The following ME1 variants were observed in gnomAD, a reference collection of about 807,000 sequenced individuals.
The protein encoded by ME1 is malic enzyme 1, also known as NADP-dependent malic enzyme.
A neutral mutation model predicts 66.4 loss-of-function variants in ME1; 74 were observed. That is an observed-to-expected ratio of 1.11 (90% confidence interval 0.92 to 1.35). The LOEUF (loss-of-function observed/expected upper bound fraction) is 1.35, where lower values mean the gene tolerates loss of function less well. ME1 is among the 40% of genes most tolerant of loss of function. The pLI, the probability that ME1 is intolerant of heterozygous loss-of-function variation, is 0.00. For missense variants in ME1, 750 were observed against 694.1 expected, an observed-to-expected ratio of 1.08 and a Z score of -0.90; for synonymous variants, 251 against 235.6, an observed-to-expected ratio of 1.07 and a Z score of -0.60.
At chr6:83,257,089 G>A (rs956478801) in intron 6 of ME1, among the ~76,000 whole-genome samples, 4 of 152,022 alleles carry the variant, frequency 2.6e-5, no homozygotes, top group African/African-American at 9.7e-5. Context: ...AATACCTAAT[G>A]TAGATGATGG....
chr6:83,319,745 T>C (rs116648735), intron 5 of ME1, among the ~76,000 whole-genome samples: 133 of 152,336 alleles, frequency 8.7e-4, no homozygotes, highest in African/African-American at 3.1e-3. Flanking sequence ...ATGGGCCCTA[T>C]TCAAAGAATA....
chr6:83,341,658 A>T (rs567742333), intron 5 of ME1, among the ~76,000 whole-genome samples: 4 of 152,312 alleles, frequency 2.6e-5, no homozygotes, highest in African/African-American at 4.8e-5. Context: ...AGATAACAGT[A>T]ATACAGAGTT....
chr6:83,263,517 G>C (rs528013343), intron 6 of ME1, among the ~76,000 whole-genome samples: 1 of 152,194 alleles, frequency 6.6e-6, no homozygotes, highest in Admixed American at 6.5e-5. Flanking sequence ...CCACATAAAT[G>C]ATAAGAAAGC....
intron 5 of ME1, among the ~76,000 whole-genome samples, chr6:83,322,149 G>A (rs752623811): frequency 6.6e-6 from 1 of 152,102 alleles, no homozygotes; most frequent in Admixed American, 6.6e-5. Context: ...CCACGCGAAG[G>A]TCACCAACAG....
chr6:83,315,164 C>A, intron 6 of ME1, 146 bp downstream of exon 6: 1 of 576,466 alleles, frequency 1.7e-6, no homozygotes, highest in Non-Finnish European at 3.1e-6. Context: ...TGTCCATTAA[C>A]AGTTATGAGG....
At chr6:83,247,104 T>G (rs952131912) in intron 7 of ME1, among the ~76,000 whole-genome samples, 13 of 152,136 alleles carry the variant, frequency 8.5e-5, no homozygotes, top group African/African-American at 3.1e-4. Flanking sequence ...ATATATTAAA[T>G]GTATTTTTTA....
chr6:83,296,083 C>T (rs1246767046), intron 6 of ME1, among the ~76,000 whole-genome samples: 2 of 152,096 alleles, frequency 1.3e-5, no homozygotes, highest in Non-Finnish European at 2.9e-5. Flanking sequence ...TAAATTCTAT[C>T]AAATGTACAA....
intron 11 of ME1, among the ~76,000 whole-genome samples, chr6:83,225,205 C>CAA (rs146673365): frequency 0.042 from 1,685 of 39,730 alleles, 57 homozygotes; most frequent in Non-Finnish European, 0.063. Flanking sequence ...GACTCCATCT[C>CAA]AAAAAAAAAA....
intron 3 of ME1, among the ~76,000 whole-genome samples, chr6:83,381,282 C>T (rs1027372476): frequency 2.0e-5 from 3 of 151,526 alleles, no homozygotes; most frequent in Non-Finnish European, 4.4e-5. Flanking sequence ...TCTGGGAGGG[C>T]AAGAAAGGAT....
intron 6 of ME1, among the ~76,000 whole-genome samples, chr6:83,268,404 A>G (rs1206723602): frequency 6.6e-6 from 1 of 152,212 alleles, no homozygotes; most frequent in Non-Finnish European, 1.5e-5. Flanking sequence ...CCTATTAAGT[A>G]TACAATTAGG....
At chr6:83,359,017 G>A (rs1333262147) in intron 3 of ME1, among the ~76,000 whole-genome samples, 1 of 152,158 alleles carries the variant, frequency 6.6e-6, no homozygotes, top group Non-Finnish European at 1.5e-5. Flanking sequence ...CAGCGGCCAG[G>A]CAGAGGCGCT....
chr6:83,259,479 T>TG (rs1583344730), intron 6 of ME1, among the ~76,000 whole-genome samples: 2 of 151,828 alleles, frequency 1.3e-5, no homozygotes, highest in East Asian at 3.9e-4. Flanking sequence ...AGGAAAAGAG[T>TG]GGAGTAAAGA....
intron 4 of ME1, among the ~76,000 whole-genome samples, chr6:83,349,371 C>T (rs1043650422): frequency 6.6e-6 from 1 of 152,116 alleles, no homozygotes; most frequent in Non-Finnish European, 1.5e-5. Flanking sequence ...TGGATGTTTT[C>T]TGTACGATAA....
intron 4 of ME1, among the ~76,000 whole-genome samples, chr6:83,348,595 T>C (rs1768731080): frequency 1.3e-5 from 2 of 152,006 alleles, no homozygotes; most frequent in South Asian, 4.2e-4. Flanking sequence ...TGTTATTTGG[T>C]TTCAAAATTC....
At position 83,219,740 on chromosome 6, in the gene ME1, A is replaced by ATT. The variant is rs11324255; in HGVS notation, c.1450-3146_1450-3145dup. On this transcript the variant is annotated intron_variant, in intron 12 of 13. Transcript: ENST00000369705. ...AGCTGTGTGCCATCATGCCCAACTA[A>ATT]TTTTTTTTTTTTTTTTTTTGTATTT... 6.6e-4 allele frequency among the ~76,000 whole-genome samples: 88 copies of ATT among 133,206 alleles called. 1 individual carries two copies. The highest frequency in any genetic ancestry group is 2.3e-3 in the African/African-American group (82 of 35,840). 87.4% of individuals were successfully genotyped at this position (133,206 alleles called of 152,430 possible).
intron 6 of ME1, among the ~76,000 whole-genome samples, chr6:83,263,763 CATA>C (rs1766937991): frequency 1.2e-3 from 1 of 860 alleles, no homozygotes; most frequent in Non-Finnish European, 2.1e-3. Context: ...CATAACATAA[CATA>C]ACATAACATA....
At chr6:83,315,699 C>T (rs1320570491) in intron 5 of ME1, among the ~76,000 whole-genome samples, 2 of 152,086 alleles carry the variant, frequency 1.3e-5, no homozygotes, top group Admixed American at 6.5e-5. Context: ...GAGATCAAGA[C>T]CATCCTGGGT....
At chr6:83,266,030 A>C (rs749007882) in intron 6 of ME1, among the ~76,000 whole-genome samples, 15 of 152,192 alleles carry the variant, frequency 9.9e-5, no homozygotes, top group African/African-American at 1.4e-4. Context: ...TATGATACTT[A>C]AAATAATTGC....
chr6:83,217,780 C>A (rs1012942894), intron 12 of ME1, among the ~76,000 whole-genome samples: 2 of 151,980 alleles, frequency 1.3e-5, no homozygotes, highest in African/African-American at 4.8e-5. Flanking sequence ...GTGAGCTGGA[C>A]TCAGCAGGCC....
Sources: gnomAD v4.1 joint callset for allele counts (sites outside exome capture counted in the v4.1 genomes callset) on GRCh38, gnomAD v4.1.1 for gene constraint, MANE v1.5 for transcripts, NCBI Gene and HGNC (gene_info 2026-07-23, HGNC 2026-07-21) for gene names.